CWF19L2: variants seen among roughly 807,000 people sequenced by gnomAD.
CWF19L2 encodes the protein CWF19 like cell cycle control factor 2.
Under a neutral mutation model 111.7 loss-of-function variants are expected in CWF19L2, and 98 were observed. The ratio of observed to expected loss-of-function variants is 0.88; its 90% CI spans 0.75 to 1.04. CWF19L2 has a LOEUF of 1.04. Ranked by LOEUF, CWF19L2 falls within the 50% of genes least tolerant of loss-of-function variation. CWF19L2 has a pLI of 0.00. For missense variants in CWF19L2, 1,101 were observed against 1,051.4 expected (o/e 1.05, Z -0.65); for synonymous variants, 351 against 342.9 (o/e 1.02, Z -0.26).
intron 10 of CWF19L2, among the ~76,000 whole-genome samples, chr11:107,395,581 G>C (rs1860910813): frequency 6.6e-6 from 1 of 152,070 alleles, no homozygotes; most frequent in African/African-American, 2.4e-5. Flanking sequence ...CTACACCATA[G>C]TCTAAATAGT....
In CWF19L2 at chr11:107,443,108, T is replaced by C. The variant is rs115469881; in HGVS notation, c.340-59A>G. 1,854 of 1,161,950 alleles carry C rather than the reference T, an allele frequency of 1.6e-3. 19 individuals are homozygous for C. In the African/African-American group the frequency reaches 0.023, roughly 14 times the overall value. 72.0% of individuals were successfully genotyped at this position (1,161,950 alleles called of 1,614,324 possible). ...AATTTGCATACTTTGATATAAAAAT[T>C]CTGTGCTGTTAAGTGGTAGAAATTC... is the stretch of plus-strand genomic sequence containing the variant. On this transcript the variant is annotated intron_variant, in intron 3 of 17. Coordinates refer to ENST00000282251, the MANE Select transcript of CWF19L2 (RefSeq NM_152434.3).
intron 14 of CWF19L2, among the ~76,000 whole-genome samples, chr11:107,341,387 T>C (rs1860002909): frequency 6.6e-6 from 1 of 152,238 alleles, no homozygotes; most frequent in African/African-American, 2.4e-5. Flanking sequence ...TGGTGGATTA[T>C]AATGATTTAT....
At position 107,410,944 on chromosome 11, in the gene CWF19L2, T is replaced by C. The variant is rs193211240; in HGVS notation, c.1617+5265A>G. Among the ~76,000 whole-genome samples, 10 of 152,228 alleles carry C rather than the reference T, an allele frequency of 6.6e-5. No individual in the cohort carries two copies. The South Asian group carries it at 1.2e-3, about 19-fold the overall frequency. ...GTATGAAATAAAATCTGGTGGGACATAGCAAACCTTAGTCAAAAAATGAGA... is the reference window on the plus strand; with the variant it reads ...GTATGAAATAAAATCTGGTGGGACACAGCAAACCTTAGTCAAAAAATGAGA... On this transcript the variant is annotated intron_variant, in intron 10 of 17. Coordinates refer to ENST00000282251, the MANE Select transcript of CWF19L2 (RefSeq NM_152434.3).
Position 107,442,813 on chromosome 11 carries a change from A to AGG in CWF19L2, c.450+124_450+125dup, listed in dbSNP as rs1565287426. On this transcript the variant is annotated intron_variant, in intron 4 of 17. Coordinates refer to ENST00000282251, the MANE Select transcript of CWF19L2 (RefSeq NM_152434.3). ...AAGGAAGGGAGGGAGGGAGGGAGGG[A>AGG]GGGAGGGGGAGGGAGGGAGAGAGGG... 9.9e-5 allele frequency: 37 copies of AGG among 374,922 alleles called. No homozygotes were observed. In the African/African-American group the frequency reaches 1.2e-3, roughly 12 times the overall value. The allele number at this position is 374,922 out of a possible 1,614,324, so 23.2% of individuals were successfully genotyped here. A position where few individuals can be genotyped will look rare whatever the true frequency, so the allele number is the denominator to read the frequency against.
chr11:107,395,584 T>TA (rs1227949858), intron 10 of CWF19L2, among the ~76,000 whole-genome samples: 2 of 152,258 alleles, frequency 1.3e-5, no homozygotes, highest in Non-Finnish European at 2.9e-5. Flanking sequence ...CACCATAGTC[T>TA]AAATAGTGAA....
At chr11:107,405,630 T>C (rs1861065648) in intron 10 of CWF19L2, among the ~76,000 whole-genome samples, 1 of 152,096 alleles carries the variant, frequency 6.6e-6, no homozygotes, top group South Asian at 2.1e-4. Flanking sequence ...CAACCACTTT[T>C]AGACATTGAC....
At chr11:107,415,737 T>A (rs1861215875) in intron 10 of CWF19L2, among the ~76,000 whole-genome samples, 1 of 152,202 alleles carries the variant, frequency 6.6e-6, no homozygotes, top group South Asian at 2.1e-4. Context: ...AAAACTAAAT[T>A]TTTTAAAACA....
chr11:107,450,211 C>T (rs768496167), intron 3 of CWF19L2, among the ~76,000 whole-genome samples: 5 of 151,992 alleles, frequency 3.3e-5, no homozygotes, highest in African/African-American at 4.8e-5. Context: ...TGAGACCAGG[C>T]TGGGCAACAT....
Position 107,429,369 on chromosome 11 carries a change from C to T in CWF19L2, c.863G>A (p.Arg288Lys), listed in dbSNP as rs1452337568. 6.3e-7 allele frequency: 1 copy of T among 1,595,996 alleles called. No individual in the cohort carries two copies. Among genetic ancestry groups the T allele is most frequent in the Admixed American group, 1.8e-5 (1 of 56,930 alleles). ...TKEDYRRERWRKPTYSDKAQN... is the reference protein window; with the variant it reads ...TKEDYRRERWKKPTYSDKAQN... Reference sequence around the variant, plus strand: ...TGCTTTATCTGAATATGTGGGTTTCCTCCACCGTTCCCGTCTATAATCTTC... The same window carrying T: ...TGCTTTATCTGAATATGTGGGTTTCTTCCACCGTTCCCGTCTATAATCTTC... Residue 288 changes from arginine (R) to lysine (K), a missense_variant, in exon 8 of 18, where the codon AGG becomes AAG. Arg to Lys is a conservative substitution (Grantham distance 26). Coordinates refer to ENST00000282251, the MANE Select transcript of CWF19L2 (RefSeq NM_152434.3).
At chr11:107,362,587 C>T (rs1275795735) in intron 12 of CWF19L2, among the ~76,000 whole-genome samples, 1 of 151,918 alleles carries the variant, frequency 6.6e-6, no homozygotes, top group Non-Finnish European at 1.5e-5. Context: ...TGGCTGGGTA[C>T]TCCAACAGAC....
chr11:107,419,132 T>C (rs141034892), intron 8 of CWF19L2, among the ~76,000 whole-genome samples: 1 of 152,212 alleles, frequency 6.6e-6, no homozygotes, highest in East Asian at 1.9e-4. Flanking sequence ...GGATTGGAGG[T>C]AGAGTACCTG....
chr11:107,387,401 A>C (rs1396703926), intron 12 of CWF19L2, among the ~76,000 whole-genome samples: 1 of 151,962 alleles, frequency 6.6e-6, no homozygotes, highest in Admixed American at 6.6e-5. Context: ...AGCCAGAAAA[A>C]TTCTGTCAAA....
At chr11:107,427,022 T>C (rs1189062113) in intron 8 of CWF19L2, among the ~76,000 whole-genome samples, 1 of 152,046 alleles carries the variant, frequency 6.6e-6, no homozygotes, top group Admixed American at 6.6e-5. Context: ...ACAAATGGCA[T>C]GTTCTAAAAA....
Position 107,428,845 on chromosome 11 carries a change from G to A in CWF19L2, c.1387C>T (p.Pro463Ser), listed in dbSNP as rs1463834854. The change falls in exon 8 of 18, where the codon CCT (proline) becomes TCT (serine). Residue 463 changes from proline to serine, a missense_variant. Pro to Ser is a moderately conservative substitution (Grantham distance 74). Coordinates refer to ENST00000282251, the MANE Select transcript of CWF19L2 (RefSeq NM_152434.3). ...KSQDEVLRDD[P>S]PKKEHLRDTK... ...TCCCGTAGATGTTCTTTTTTTGGAG[G>A]GTCATCTCTCAAGACTTCATCTTGT... is the stretch of plus-strand genomic sequence containing the variant. The A allele has an allele frequency of 1.9e-6, 3 of 1,610,908 alleles. No individual in the cohort carries two copies. In the African/African-American group the frequency reaches 4.0e-5, roughly 22 times the overall value.
intron 10 of CWF19L2, among the ~76,000 whole-genome samples, chr11:107,415,453 C>A (rs575159424): frequency 2.2e-4 from 33 of 152,272 alleles, no homozygotes; most frequent in African/African-American, 6.5e-4. Flanking sequence ...GTTTCCCTCC[C>A]TACCCAAATG....
In CWF19L2 at chr11:107,418,296, A is replaced by C. The variant is rs1469679019; in HGVS notation, c.1434-9T>G. On this transcript the variant is annotated splice_polypyrimidine_tract_variant and intron_variant, in intron 8 of 17. Transcript: ENST00000282251. ...ACTCACGCTCTGGACTGCTATTGGA[A>C]TAGGAAAGATTAACAGCATATGAAA... 11 of 1,573,024 alleles carry C rather than the reference A, an allele frequency of 7.0e-6. No individual in the cohort carries two copies. The highest frequency in any genetic ancestry group is 9.6e-6 in the Non-Finnish European group (11 of 1,142,570).
At chr11:107,417,480 A>C (rs1336121706) in intron 9 of CWF19L2, among the ~76,000 whole-genome samples, 1 of 152,190 alleles carries the variant, frequency 6.6e-6, no homozygotes. Context: ...TTAAAACTTG[A>C]ATAAATGACT....
chr11:107,391,637 A>T (rs1384023126), intron 11 of CWF19L2, among the ~76,000 whole-genome samples: 2 of 152,198 alleles, frequency 1.3e-5, no homozygotes, highest in East Asian at 3.8e-4. Context: ...CAACAGAAAA[A>T]TACTGTTTAT....
intron 15 of CWF19L2, among the ~76,000 whole-genome samples, chr11:107,335,368 A>G (rs189221811): frequency 6.6e-6 from 1 of 152,296 alleles, no homozygotes; most frequent in Admixed American, 6.5e-5. Flanking sequence ...CATGTTTTCT[A>G]GCAACCAAGG....
Sources: allele counts gnomAD v4.1 joint callset (sites outside exome capture counted in the v4.1 genomes callset), GRCh38; gene constraint gnomAD v4.1.1; transcripts MANE v1.5; gene names NCBI Gene and HGNC (gene_info 2026-07-23, HGNC 2026-07-21).